The following PRKCQ variants were observed in gnomAD, a reference collection of about 807,000 sequenced individuals.
PRKCQ encodes the protein protein kinase C theta type.
A neutral mutation model predicts 91.2 loss-of-function variants in PRKCQ; 41 were observed. The observed-to-expected ratio is 0.45, with a 90% CI of 0.35 to 0.58. PRKCQ has a LOEUF of 0.58. PRKCQ is among the 20% of genes least tolerant of loss of function. The pLI is 0.00. For missense variants in PRKCQ, 673 were observed against 896.5 expected (o/e 0.75, Z 3.18); for synonymous variants, 307 against 316.9 (o/e 0.97, Z 0.33).
At chr10:6,444,935 C>T (rs1834177548) in intron 15 of PRKCQ, among the ~76,000 whole-genome samples, 1 of 151,794 alleles carries the variant, frequency 6.6e-6, no homozygotes, top group Admixed American at 6.6e-5. Flanking sequence ...ACCAGCCTGG[C>T]CAACATGGCG....
chr10:6,436,758 G>C (rs1833717675), intron 16 of PRKCQ, among the ~76,000 whole-genome samples: 1 of 152,106 alleles, frequency 6.6e-6, no homozygotes, highest in African/African-American at 2.4e-5. Flanking sequence ...TCATTGCTGA[G>C]TAGGATTCCA....
At chr10:6,486,175 A>T in intron 8 of PRKCQ, 31 bp from the exon 9 acceptor site, 1 of 1,572,180 alleles carries the variant, frequency 6.4e-7, no homozygotes. Context: ...AGTGAGCAAG[A>T]GTGGAAGAAC....
intron 2 of PRKCQ, among the ~76,000 whole-genome samples, chr10:6,512,919 C>T (rs1035041133): frequency 5.9e-5 from 9 of 152,016 alleles, no homozygotes; most frequent in Admixed American, 2.0e-4. Flanking sequence ...TAGAAACCAA[C>T]GGCAATATTA....
chr10:6,430,702 G>A lies in PRKCQ; in HGVS notation c.1965+108C>T. On this transcript the variant is annotated intron_variant, in intron 17 of 17. Coordinates refer to ENST00000263125, the MANE Select transcript of PRKCQ (RefSeq NM_006257.5). This position sits in a 1 kb window ranked among gnomAD's most constrained non-coding sequence, Gnocchi z 4.7. ...CCTCCTGGAGAGTGGGGCTGGTGGG[G>A]AGTTGGGGCACCGGCAGGGGTGAGC... The A allele has an allele frequency of 2.7e-6, 4 of 1,456,830 alleles. No homozygotes were observed. Among genetic ancestry groups the A allele is most frequent in the Admixed American group, 2.0e-5 (1 of 50,066 alleles). The allele number at this position is 1,456,830 out of a possible 1,614,324, so 90.2% of individuals were successfully genotyped here.
chr10:6,408,190 T>C, the PRKCQ span, among the ~76,000 whole-genome samples: 1 of 152,100 alleles, frequency 6.6e-6, no homozygotes, highest in Non-Finnish European at 1.5e-5. Context: ...AATTTATTTA[T>C]TGACACTTAT....
intron 1 of PRKCQ, among the ~76,000 whole-genome samples, chr10:6,537,811 C>A (rs551323566): frequency 5.9e-5 from 9 of 152,224 alleles, no homozygotes; most frequent in Non-Finnish European, 8.8e-5. Context: ...CACATTTTGA[C>A]TTTGATACTT....
At chr10:6,547,485 C>T (rs1204010225) in intron 1 of PRKCQ, among the ~76,000 whole-genome samples, 1 of 152,126 alleles carries the variant, frequency 6.6e-6, no homozygotes, top group Non-Finnish European at 1.5e-5. Flanking sequence ...TCAAACTATA[C>T]TACAGGCTAC....
At chr10:6,491,944 T>TGCAGTCTTCCTGAGCTTTTAGCC in intron 7 of PRKCQ, 132 bp from the exon 8 acceptor site, 1 of 1,305,262 alleles carries the variant, frequency 7.7e-7, no homozygotes, top group Non-Finnish European at 1.1e-6. Context: ...TAAACCATCA[T>TGCAGTCTTCCTGAGCTTTTAGCC]TGTCACTTGT....
chr10:6,510,193 A>G (rs1001983517), intron 3 of PRKCQ, among the ~76,000 whole-genome samples: 3 of 152,160 alleles, frequency 2.0e-5, no homozygotes, highest in East Asian at 1.9e-4. Flanking sequence ...TCTTACTGAT[A>G]TATTTTCTTT....
chr10:6,426,385 T>A (rs1002075667), downstream of PRKCQ, among the ~76,000 whole-genome samples: 1 of 152,162 alleles, frequency 6.6e-6, no homozygotes, highest in African/African-American at 2.4e-5. Context: ...CACTGGCCCA[T>A]CCAGGGCCTT....
chr10:6,455,454 T>C (rs1431828802), intron 15 of PRKCQ, among the ~76,000 whole-genome samples: 1 of 152,194 alleles, frequency 6.6e-6, no homozygotes, highest in African/African-American at 2.4e-5. Context: ...CAAAGCTACA[T>C]AGTTCTAGGA....
chr10:6,479,767 TAAAAAAAA>T (rs34610362), intron 11 of PRKCQ, among the ~76,000 whole-genome samples: 9 of 38,990 alleles, frequency 2.3e-4, no homozygotes, highest in African/African-American at 6.7e-4. Context: ...CCGTCTCGAC[TAAAAAAAA>T]AAAAAAAAAA....
At chr10:6,516,639 T>G (rs1385350985) in intron 1 of PRKCQ, among the ~76,000 whole-genome samples, 1 of 152,188 alleles carries the variant, frequency 6.6e-6, no homozygotes, top group African/African-American at 2.4e-5. Context: ...TCATCTTCAG[T>G]TACGGGAGTT....
downstream of PRKCQ, among the ~76,000 whole-genome samples, chr10:6,424,220 C>G (rs1833066504): frequency 6.6e-6 from 1 of 152,192 alleles, no homozygotes; most frequent in African/African-American, 2.4e-5. Context: ...TCTCAGAGGT[C>G]CCATGACCTT....
chr10:6,429,999 C>T (rs12784332), intron 17 of PRKCQ, among the ~76,000 whole-genome samples: 57,797 of 152,034 alleles, frequency 0.38, 13,182 homozygotes, highest in East Asian at 0.7. Flanking sequence ...GGATTATAGG[C>T]GCCCGCAACC....
chr10:6,528,584 T>C (rs1839280265), intron 1 of PRKCQ, among the ~76,000 whole-genome samples: 1 of 152,206 alleles, frequency 6.6e-6, no homozygotes, highest in African/African-American at 2.4e-5. Context: ...CTGATCTGCC[T>C]CTCCGTTTGT....
the PRKCQ span, among the ~76,000 whole-genome samples, chr10:6,411,580 A>G: frequency 6.6e-6 from 1 of 152,224 alleles, no homozygotes; most frequent in Non-Finnish European, 1.5e-5. Context: ...TAGCCTTTAG[A>G]CCGAACCCTG....
chr10:6,469,801 C>T (rs1300196094), intron 12 of PRKCQ, among the ~76,000 whole-genome samples: 1 of 151,980 alleles, frequency 6.6e-6, no homozygotes, highest in Non-Finnish European at 1.5e-5. Flanking sequence ...ATAAGGAAAA[C>T]AAAAGAACAT....
At chr10:6,531,326 A>G (rs1367803466) in intron 1 of PRKCQ, among the ~76,000 whole-genome samples, 3 of 151,880 alleles carry the variant, frequency 2.0e-5, no homozygotes, top group Non-Finnish European at 4.4e-5. Flanking sequence ...AGTGGTTCTC[A>G]GAGGGTGATG....
Sources: allele counts gnomAD v4.1 joint callset (sites outside exome capture counted in the v4.1 genomes callset), GRCh38; gene constraint gnomAD v4.1.1; non-coding constraint Gnocchi (gnomAD v3.1); transcripts MANE v1.5; gene names NCBI Gene and HGNC (gene_info 2026-07-23, HGNC 2026-07-21).